Variants in FBN1 observed in about 807,000 individuals in gnomAD.
FBN1 encodes fibrillin 1, also known as fibrillin-1.
In FBN1, 29 loss-of-function variants were observed where a neutral mutation model predicts 365.1. The observed-to-expected ratio is 0.08, with a 90% CI of 0.06 to 0.11. The LOEUF (loss-of-function observed/expected upper bound fraction) is 0.11, where lower values mean the gene tolerates loss of function less well. FBN1 is among the 10% of genes least tolerant of loss of function. The probability of loss-of-function intolerance (pLI) is 1.00; values close to 1 mark genes in which losing one functional copy is unlikely to be tolerated. For missense variants in FBN1, 2,476 were observed against 3,703.2 expected (o/e 0.67, Z 8.60); for synonymous variants, 1,210 against 1,270.5 (o/e 0.95, Z 1.01).
chr15:48,438,781 T>G (rs1240268271), intron 50 of FBN1, among the ~76,000 whole-genome samples: 1 of 152,216 alleles, frequency 6.6e-6, no homozygotes, highest in Non-Finnish European at 1.5e-5. Flanking sequence ...CTTGACATAA[T>G]TTTGGAAACG....
At chr15:48,510,920 C>T (rs1378485741) in intron 13 of FBN1, among the ~76,000 whole-genome samples, 1 of 152,196 alleles carries the variant, frequency 6.6e-6, no homozygotes, top group African/African-American at 2.4e-5. Context: ...CCTGGATTAT[C>T]TGTTTCTCTC....
At chr15:48,477,700 C>T (rs2043432038) in intron 32 of FBN1, among the ~76,000 whole-genome samples, 1 of 152,102 alleles carries the variant, frequency 6.6e-6, no homozygotes, top group South Asian at 2.1e-4. Flanking sequence ...ACATGTTTGC[C>T]AAGAATATCT....
At chr15:48,419,698 T>C (rs559173791) in intron 63 of FBN1, among the ~76,000 whole-genome samples, 6 of 152,288 alleles carry the variant, frequency 3.9e-5, no homozygotes, top group African/African-American at 1.2e-4. Flanking sequence ...ACACCAAATA[T>C]GTCTTCATCT....
At chr15:48,644,414 G>T in intron 2 of FBN1, 192 bp downstream of exon 2, 1 of 741,348 alleles carries the variant, frequency 1.3e-6, no homozygotes, top group Non-Finnish European at 2.3e-6. Context: ...CTCCTTTGGG[G>T]CAGAAATCTC....
At position 48,411,073 on chromosome 15, in the gene FBN1, G is replaced by A. The variant is rs767060377; in HGVS notation, c.8533C>T (p.Leu2845=). 3.7e-6 allele frequency: 6 copies of A among 1,613,890 alleles called. No homozygotes were observed. The Admixed American group carries it at 1.0e-4, about 27-fold the overall frequency. Residue 2845 remains leucine (L), a synonymous_variant, in exon 66 of 66, where the codon CTA becomes TTA. Coordinates refer to ENST00000316623, the MANE Select transcript of FBN1 (RefSeq NM_000138.5). ...PLYKKKELNQ[L]EDKYDKDYLS... ...TAGTCTTTGTCATATTTGTCTTCTA[G>A]TTGGTTAAGTTCTTTCTTTTTATAA...
At chr15:48,541,932 C>G (rs1199186278) in intron 6 of FBN1, among the ~76,000 whole-genome samples, 1 of 152,134 alleles carries the variant, frequency 6.6e-6, no homozygotes, top group African/African-American at 2.4e-5. Context: ...GGCAACAGGC[C>G]AAGTCTTTCC....
At chr15:48,628,814 G>A (rs1462996058) in intron 2 of FBN1, among the ~76,000 whole-genome samples, 3 of 152,110 alleles carry the variant, frequency 2.0e-5, no homozygotes, top group African/African-American at 7.2e-5. Flanking sequence ...TCTAGAAAAC[G>A]ATTATCAATG....
chr15:48,541,515 T>C (rs998458058), intron 6 of FBN1, among the ~76,000 whole-genome samples: 20 of 152,238 alleles, frequency 1.3e-4, no homozygotes, highest in African/African-American at 4.8e-4. Context: ...AGGTAAATGC[T>C]GTATTAACAT....
At chr15:48,538,910 CACTG>C (rs1218389644) in intron 6 of FBN1, among the ~76,000 whole-genome samples, 3 of 152,194 alleles carry the variant, frequency 2.0e-5, no homozygotes, top group Non-Finnish European at 2.9e-5. Context: ...TTATGAAAAT[CACTG>C]GCTGTGCTAA....
Position 48,432,852 on chromosome 15 carries a change from A to G in FBN1, c.6739+14T>C. The G allele has an allele frequency of 6.2e-7, 1 of 1,613,420 alleles. No individual in the cohort carries two copies. ...AGCTTCCTGGCTTAGATGACCTTGA[A>G]CACGATGACTCACCTTTGCACATCC... is the stretch of plus-strand genomic sequence containing the variant. On this transcript the variant is annotated intron_variant, in intron 55 of 65. Coordinates refer to ENST00000316623, the MANE Select transcript of FBN1 (RefSeq NM_000138.5).
chr15:48,573,903 A>T lies in FBN1; in HGVS notation c.538+22380T>A, dbSNP rs558215605. The stretch of plus-strand genomic sequence containing the variant: ...AGAAGCCAGTGATGGTCACTCCTCT[A>T]CTGACTGTGGATGAATGAGGGGTCC... On this transcript the variant is annotated intron_variant, in intron 6 of 65. Transcript: ENST00000316623. Among the ~76,000 whole-genome samples, 6 of 152,328 alleles carry T rather than the reference A, an allele frequency of 3.9e-5. 1 individual carries two copies. In the South Asian group the frequency reaches 1.2e-3, roughly 32 times the overall value.
intron 27 of FBN1, 93 bp downstream of exon 27, chr15:48,488,020 G>T (rs2043523528): frequency 6.5e-7 from 1 of 1,528,566 alleles, no homozygotes; most frequent in African/African-American, 1.4e-5. Flanking sequence ...GTTGCACTGG[G>T]GCAGCAGGAA....
intron 2 of FBN1, among the ~76,000 whole-genome samples, chr15:48,634,857 C>CCACA (rs57811526): frequency 0.013 from 922 of 69,120 alleles, 10 homozygotes; most frequent in Non-Finnish European, 0.016. Flanking sequence ...AAAAAAAAAA[C>CCACA]CACACACACA....
At chr15:48,553,928 G>A (rs1341170062) in intron 6 of FBN1, among the ~76,000 whole-genome samples, 2 of 152,180 alleles carry the variant, frequency 1.3e-5, no homozygotes, top group Non-Finnish European at 1.5e-5. Context: ...CTACAAGGGA[G>A]ACATGCTGTC....
chr15:48,497,174 C>T (rs2141306176), intron 19 of FBN1, 92 bp downstream of exon 19: 1 of 1,486,668 alleles, frequency 6.7e-7, no homozygotes, highest in Non-Finnish European at 9.4e-7. Context: ...TTGCCCAGTC[C>T]TCTAAGCTAC....
At chr15:48,519,294 G>A (rs1011352646) in intron 10 of FBN1, among the ~76,000 whole-genome samples, 1 of 152,186 alleles carries the variant, frequency 6.6e-6, no homozygotes, top group African/African-American at 2.4e-5. Flanking sequence ...TGTGCACAAC[G>A]TGATGTTTTG....
chr15:48,533,580 T>C (rs1227016764), intron 8 of FBN1, among the ~76,000 whole-genome samples: 1 of 152,170 alleles, frequency 6.6e-6, no homozygotes, highest in African/African-American at 2.4e-5. Context: ...AGCTTTTCAT[T>C]TGATAGGCAA....
intron 48 of FBN1, among the ~76,000 whole-genome samples, chr15:48,445,135 T>TAC (rs1004604996): frequency 8.7e-5 from 12 of 138,440 alleles, no homozygotes; most frequent in East Asian, 4.6e-4. Flanking sequence ...TATATATATA[T>TAC]ACACACACAC....
chr15:48,591,683 C>T (rs2044477732), intron 6 of FBN1, among the ~76,000 whole-genome samples: 1 of 152,172 alleles, frequency 6.6e-6, no homozygotes, highest in Admixed American at 6.5e-5. Flanking sequence ...TAGGTTTCTT[C>T]TTACCGTTCC....
Sources: gnomAD v4.1 joint callset for allele counts (sites outside exome capture counted in the v4.1 genomes callset) on GRCh38, gnomAD v4.1.1 for gene constraint, MANE v1.5 for transcripts, NCBI Gene and HGNC (gene_info 2026-07-23, HGNC 2026-07-21) for gene names.